Variants in DUS4L observed in about 807,000 individuals in gnomAD.
DUS4L encodes the protein dihydrouridine synthase 4 like.
DUS4L carries 31 observed loss-of-function variants against 33.8 expected under a neutral mutation model. The observed-to-expected ratio is 0.92, with a 90% CI of 0.69 to 1.24. The LOEUF (loss-of-function observed/expected upper bound fraction) is 1.24. DUS4L is among the 50% of genes most tolerant of loss of function. The probability of loss-of-function intolerance (pLI) is 0.00; values close to 1 mark genes in which losing one functional copy is unlikely to be tolerated. For synonymous variants in DUS4L, 103 were observed against 120.3 expected (o/e 0.86, Z 0.94); for missense variants, 368 against 388.6 (o/e 0.95, Z 0.45).
intron 2 of DUS4L, among the ~76,000 whole-genome samples, 174 bp from the exon 3 acceptor site, chr7:107,566,876 G>C (rs938114260): frequency 1.3e-5 from 2 of 151,912 alleles, no homozygotes; most frequent in Non-Finnish European, 2.9e-5. Context: ...CTTACAAATA[G>C]AGGCAGCATT....
intron 7 of DUS4L, 31 bp downstream of exon 7, chr7:107,576,623 TGGGGG>T: frequency 1.3e-6 from 2 of 1,497,612 alleles, no homozygotes; most frequent in South Asian, 2.5e-5. Flanking sequence ...TTCTTTTAAT[TGGGGG>T]GGGAAGAAAT....
intron 3 of DUS4L, chr7:107,570,851 G>A (rs916730997): frequency 4.8e-5 from 14 of 294,384 alleles, no homozygotes; most frequent in Non-Finnish European, 7.0e-5. Flanking sequence ...GCTTCTTCAA[G>A]TCTAGGATAT....
Position 107,576,590 on chromosome 7 carries a change from A to G in DUS4L, c.704A>G (p.Asp235Gly). 6.3e-7 allele frequency: 1 copy of G among 1,580,490 alleles called. No homozygotes were observed. Among genetic ancestry groups the G allele is most frequent in the Non-Finnish European group, 8.6e-7 (1 of 1,167,954 alleles). Residue 235 changes from aspartate to glycine, a missense_variant and splice_region_variant, in exon 7 of 8, where the codon GAT becomes GGT. Coordinates refer to ENST00000265720, the MANE Select transcript of DUS4L (RefSeq NM_181581.3). ...AATGTGTGGCGGATTACTGGGACAG[A>G]TGGTAAGAAATAAGTACTTGGGTTC... The part of the protein sequence containing the change: ...AENVWRITGT[D>G]GVMVARGLLA...
At chr7:107,565,972 A>G (rs947224291) in intron 2 of DUS4L, among the ~76,000 whole-genome samples, 63 of 152,276 alleles carry the variant, frequency 4.1e-4, no homozygotes, top group African/African-American at 1.4e-3. Context: ...CCTTACTTTG[A>G]TGTTTAAGAT....
At chr7:107,569,822 A>G (rs1194571831) in intron 3 of DUS4L, among the ~76,000 whole-genome samples, 1 of 152,204 alleles carries the variant, frequency 6.6e-6, no homozygotes, top group Non-Finnish European at 1.5e-5. Flanking sequence ...ATTCCTTCAG[A>G]GTCTATATGA....
intron 7 of DUS4L, 176 bp downstream of exon 7, chr7:107,576,768 T>C: frequency 1.7e-6 from 1 of 581,916 alleles, no homozygotes; most frequent in Non-Finnish European, 2.8e-6. Context: ...TAGAAAAACA[T>C]GGATTATCTT....
At chr7:107,564,779 C>T (rs544650300) in intron 2 of DUS4L, 103 bp downstream of exon 2, 1 of 152,148 alleles carries the variant, frequency 6.6e-6, no homozygotes, top group Admixed American at 6.5e-5. Flanking sequence ...CAGGCAACCA[C>T]AAGTATGCAA....
rs768378060 is a variant in DUS4L at position 107,576,366 on chromosome 7, G to A, written c.480G>A (p.Arg160=). ...TPGFSVSIKI[R]IHDDLKRTVD... ...GATAAATGTAATTTTGAAATTGTAG[G>A]ATCCATGATGACCTTAAAAGAACTG... is the stretch of plus-strand genomic sequence containing the variant. Residue 160 remains arginine (R), a splice_region_variant and synonymous_variant, in exon 7 of 8, where the codon AGG becomes AGA. Transcript: ENST00000265720. 2.5e-6 allele frequency: 4 copies of A among 1,602,842 alleles called. No homozygotes were observed. The highest frequency in any genetic ancestry group is 3.4e-6 in the Non-Finnish European group (4 of 1,177,342).
intron 3 of DUS4L, 32 bp from the exon 4 acceptor site, chr7:107,571,113 A>G: frequency 6.2e-7 from 1 of 1,612,308 alleles, no homozygotes; most frequent in Non-Finnish European, 8.5e-7. Context: ...TGGTGTTTCT[A>G]AATGCATAAT....
intron 5 of DUS4L, among the ~76,000 whole-genome samples, chr7:107,574,170 T>C (rs1049140517): frequency 1.3e-5 from 2 of 152,134 alleles, no homozygotes; most frequent in Non-Finnish European, 2.9e-5. Flanking sequence ...ATGTCAGATA[T>C]ACTTGCTCTG....
In DUS4L at chr7:107,577,552, G is replaced by T; in HGVS notation, c.946G>T (p.Gly316Cys). 1.2e-6 allele frequency: 2 copies of T among 1,612,650 alleles called. No individual in the cohort carries two copies. Among genetic ancestry groups the T allele is most frequent in the South Asian group, 2.2e-5 (2 of 90,980 alleles). Residue 316 changes from glycine to cysteine, a missense_variant, in exon 8 of 8, where the codon GGC becomes TGC. Gly to Cys is a radical substitution (Grantham distance 159). Transcript: ENST00000265720. The part of the protein sequence containing the change: ...AIIDYLTDHY[G>C]I ...CATAGATTACCTTACAGACCATTAT[G>T]GCATTTGACTAGACTTCCCAAATAA...
rs985228152 is a variant in DUS4L at position 107,577,632 on chromosome 7, C to T, written c.*72C>T. 2.0e-6 allele frequency: 3 copies of T among 1,478,604 alleles called. No individual in the cohort carries two copies. The highest frequency in any genetic ancestry group is 2.7e-6 in the Non-Finnish European group (3 of 1,104,118). The allele number at this position is 1,478,604 out of a possible 1,614,324, so 91.6% of individuals were successfully genotyped here. ...AAACCACAGAAGGTCATATTTTGTA[C>T]CTTAAACCAGTAGCTCTCAAATTTT... On this transcript the variant is annotated 3_prime_UTR_variant, in exon 8 of 8. Coordinates refer to ENST00000265720, the MANE Select transcript of DUS4L (RefSeq NM_181581.3).
intron 5 of DUS4L, 35 bp from the exon 6 acceptor site, chr7:107,575,153 T>C: frequency 6.2e-7 from 1 of 1,606,386 alleles, no homozygotes. Context: ...TCCAGTTATT[T>C]ATAATTCACT....
chr7:107,565,524 T>C (rs1185339270), intron 2 of DUS4L, among the ~76,000 whole-genome samples: 2 of 152,140 alleles, frequency 1.3e-5, no homozygotes, highest in Non-Finnish European at 2.9e-5. Context: ...AGAAAGCTAC[T>C]GATTGTTTTG....
At position 107,577,410 on chromosome 7, in the gene DUS4L, T is replaced by C; in HGVS notation, c.804T>C (p.Ala268=). 1.2e-6 allele frequency: 2 copies of C among 1,614,144 alleles called. No individual in the cohort carries two copies. Among genetic ancestry groups the C allele is most frequent in the Non-Finnish European group, 1.7e-6 (2 of 1,180,030 alleles). ...LKCIWDWVDI[A]LELGTPYMCF... is the part of the protein sequence containing the mutation. ...GCATCTGGGACTGGGTTGACATTGC[T>C]CTTGAACTCGGGACTCCTTACATGT... Residue 268 remains alanine (A), a synonymous_variant, in exon 8 of 8, where the codon GCT becomes GCC. Coordinates refer to ENST00000265720, the MANE Select transcript of DUS4L (RefSeq NM_181581.3).
At position 107,577,408 on chromosome 7, in the gene DUS4L, G is replaced by T; in HGVS notation, c.802G>T (p.Ala268Ser). 1 of 1,614,094 alleles carries T rather than the reference G, an allele frequency of 6.2e-7. No individual in the cohort carries two copies. The highest frequency in any genetic ancestry group is 8.5e-7 in the Non-Finnish European group (1 of 1,180,020). ...ATGCATCTGGGACTGGGTTGACATT[G>T]CTCTTGAACTCGGGACTCCTTACAT... ...LKCIWDWVDI[A>S]LELGTPYMCF... The change falls in exon 8 of 8, where the codon GCT (alanine) becomes TCT (serine). Residue 268 changes from alanine to serine, a missense_variant. Ala to Ser is a moderately conservative substitution (Grantham distance 99). Coordinates refer to ENST00000265720, the MANE Select transcript of DUS4L (RefSeq NM_181581.3).
chr7:107,577,302 T>G lies in DUS4L; in HGVS notation c.707-11T>G. 2 of 1,613,658 alleles carry G rather than the reference T, an allele frequency of 1.2e-6. No homozygotes were observed. Among genetic ancestry groups the G allele is most frequent in the Non-Finnish European group, 8.5e-7 (1 of 1,179,634 alleles). Reference sequence around the variant, plus strand: ...AATGTATGGACAAATATGGTGTGCTTTAATTTGTAGGTGTGATGGTTGCAA... The same window carrying G: ...AATGTATGGACAAATATGGTGTGCTGTAATTTGTAGGTGTGATGGTTGCAA... On this transcript the variant is annotated splice_polypyrimidine_tract_variant and intron_variant, in intron 7 of 7. Transcript: ENST00000265720.
chr7:107,567,450 TTAAA>T lies in DUS4L; in HGVS notation c.116+267_116+270del, dbSNP rs543364651. On this transcript the variant is annotated intron_variant, in intron 3 of 7. Coordinates refer to ENST00000265720, the MANE Select transcript of DUS4L (RefSeq NM_181581.3). Reference sequence around the variant, plus strand: ...CCTACCTATAAGTATATAATGGATATTAAATAGATATAAGTATTGATGTATAGAT... The same window carrying T: ...CCTACCTATAAGTATATAATGGATATTAGATATAAGTATTGATGTATAGAT... 1.6e-3 allele frequency among the ~76,000 whole-genome samples: 245 copies of T among 152,276 alleles called. 1 individual carries two copies. The highest frequency in any genetic ancestry group is 1.8e-3 in the Non-Finnish European group (124 of 68,002).
At chr7:107,577,188 C>A in intron 7 of DUS4L, 125 bp from the exon 8 acceptor site, 1 of 1,307,836 alleles carries the variant, frequency 7.6e-7, no homozygotes, top group Non-Finnish European at 1.1e-6. Flanking sequence ...CATATTAATG[C>A]AATAAAGACA....
Sources: allele counts gnomAD v4.1 joint callset (sites outside exome capture counted in the v4.1 genomes callset), GRCh38; gene constraint gnomAD v4.1.1; transcripts MANE v1.5; gene names NCBI Gene and HGNC (gene_info 2026-07-23, HGNC 2026-07-21).